Variants in CFTR observed in about 807,000 individuals in gnomAD.
The protein encoded by CFTR is cystic fibrosis transmembrane conductance regulator.
CFTR carries 181 observed loss-of-function variants against 171.6 expected under a neutral mutation model. The ratio of observed to expected loss-of-function variants is 1.05; its 90% CI spans 0.93 to 1.19. The LOEUF (loss-of-function observed/expected upper bound fraction) is 1.19. Ranked by LOEUF, CFTR falls within the 50% of genes most tolerant of loss-of-function variation. The pLI is 0.00. For missense variants in CFTR, 1,968 were observed against 1,734.7 expected (o/e 1.13, Z -2.39); for synonymous variants, 583 against 608.0 (o/e 0.96, Z 0.60).
chr7:117,565,053 G>A (rs866486163), intron 11 of CFTR, among the ~76,000 whole-genome samples: 2 of 152,062 alleles, frequency 1.3e-5, no homozygotes, highest in Admixed American at 6.5e-5. Flanking sequence ...ACTTTAAAAC[G>A]AGATTATAGA....
At chr7:117,554,130 G>A (rs553644511) in intron 10 of CFTR, among the ~76,000 whole-genome samples, 1 of 152,132 alleles carries the variant, frequency 6.6e-6, no homozygotes, top group Non-Finnish European at 1.5e-5. Flanking sequence ...AAGTAACAGG[G>A]CCACTTTGGC....
At chr7:117,512,174 TA>T (rs1257262190) in intron 3 of CFTR, among the ~76,000 whole-genome samples, 1 of 151,870 alleles carries the variant, frequency 6.6e-6, no homozygotes, top group African/African-American at 2.4e-5. Flanking sequence ...TGTGAAAGGT[TA>T]AAAAAAAGGA....
At chr7:117,650,765 G>A (rs1449920617) in intron 23 of CFTR, among the ~76,000 whole-genome samples, 1 of 152,146 alleles carries the variant, frequency 6.6e-6, no homozygotes, top group African/African-American at 2.4e-5. Context: ...TGTGGCTAGA[G>A]GGATGGATAA....
rs79688066 is a variant in CFTR at position 117,665,519 on chromosome 7, C to T, written c.4197C>T (p.Leu1399=). ...CATTTGCTGATTGCACAGTAATTCT[C>T]TGTGAACACAGGATAGAAGCAATGC... ...KQAFADCTVI[L]CEHRIEAMLE... Residue 1399 remains leucine, a synonymous_variant, in exon 26 of 27, where the codon CTC becomes CTT. Coordinates refer to ENST00000003084, the MANE Select transcript of CFTR (RefSeq NM_000492.4). 3.7e-6 allele frequency: 6 copies of T among 1,613,352 alleles called. No individual in the cohort carries two copies. In the African/African-American group the frequency reaches 6.7e-5, roughly 18 times the overall value.
At chr7:117,636,050 C>G (rs1328315128) in intron 22 of CFTR, among the ~76,000 whole-genome samples, 1 of 152,026 alleles carries the variant, frequency 6.6e-6, no homozygotes, top group African/African-American at 2.4e-5. Flanking sequence ...CCAGCCAGAC[C>G]TACTGACAAC....
intron 13 of CFTR, 87 bp downstream of exon 13, chr7:117,590,526 T>C: frequency 1.4e-6 from 2 of 1,461,840 alleles, no homozygotes; most frequent in Non-Finnish European, 1.9e-6. Context: ...ATTTTACCTC[T>C]TGAGAAATAT....
chr7:117,535,597 T>A (rs1798941083), intron 6 of CFTR, among the ~76,000 whole-genome samples, 186 bp downstream of exon 6: 1 of 149,744 alleles, frequency 6.7e-6, no homozygotes, highest in African/African-American at 2.5e-5. Context: ...TGGCACGATC[T>A]TGGCTCACTG....
In CFTR at chr7:117,530,997, C is replaced by T. The variant is rs1060503162; in HGVS notation, c.372C>T (p.Gly124=). 6.2e-7 allele frequency: 1 copy of T among 1,613,696 alleles called. No homozygotes were observed. Among genetic ancestry groups the T allele is most frequent in the Non-Finnish European group, 8.5e-7 (1 of 1,179,730 alleles). Residue 124 remains glycine (G), a synonymous_variant, in exon 4 of 27, where the codon GGC becomes GGT. Coordinates refer to ENST00000003084, the MANE Select transcript of CFTR (RefSeq NM_000492.4). ...KEERSIAIYL[G]IGLCLLFIVR... ...AACGCTCTATCGCGATTTATCTAGG[C>T]ATAGGCTTATGCCTTCTCTTTATTG...
chr7:117,542,016 G>T lies in CFTR; in HGVS notation c.1117G>T (p.Asp373Tyr), dbSNP rs556880586. ...TGTTTTTGCTCTCTTTTATAAATAG[G>T]ATTTCTTACAAAAGCAAGAATATAA... Reference protein sequence around the residue: ...DSLGAINKIQDFLQKQEYKTL... With the variant: ...DSLGAINKIQYFLQKQEYKTL... Residue 373 changes from aspartate (D) to tyrosine (Y), a missense_variant and splice_region_variant, in exon 9 of 27, where the codon GAT becomes TAT. Transcript: ENST00000003084. 1 of 1,443,738 alleles carries T rather than the reference G, an allele frequency of 6.9e-7. No individual in the cohort carries two copies. The highest frequency in any genetic ancestry group is 2.3e-5 in the East Asian group (1 of 43,970). The allele number at this position is 1,443,738 out of a possible 1,614,324, so 89.4% of individuals were successfully genotyped here. A position where few individuals can be genotyped will look rare whatever the true frequency, so the allele number is the denominator to read the frequency against.
At chr7:117,591,899 T>C (rs776818502) in intron 13 of CFTR, 35 bp from the exon 14 acceptor site, 12 of 1,343,872 alleles carry the variant, frequency 8.9e-6, no homozygotes, top group Non-Finnish European at 1.1e-5. Context: ...AAAGTATTTA[T>C]AAAATTGATA....
chr7:117,644,462 A>T (rs1257100230), intron 23 of CFTR, among the ~76,000 whole-genome samples: 2 of 152,080 alleles, frequency 1.3e-5, no homozygotes, highest in Non-Finnish European at 2.9e-5. Flanking sequence ...AAAGAAAATT[A>T]TGTTTGTTTG....
intron 23 of CFTR, among the ~76,000 whole-genome samples, chr7:117,651,427 T>A (rs748053435): frequency 2.2e-4 from 34 of 152,334 alleles, no homozygotes; most frequent in Non-Finnish European, 4.4e-4. Context: ...TTAATTCTCT[T>A]TAGTTTTTCA....
intron 15 of CFTR, among the ~76,000 whole-genome samples, chr7:117,599,449 C>A (rs1346197202): frequency 6.6e-6 from 1 of 151,964 alleles, no homozygotes. Context: ...AAACAGTGGT[C>A]CTTTAGGGAA....
intron 11 of CFTR, among the ~76,000 whole-genome samples, chr7:117,579,965 A>G (rs1215747082): frequency 1.3e-5 from 2 of 152,010 alleles, no homozygotes; most frequent in African/African-American, 2.4e-5. Flanking sequence ...GAAAAGAAAT[A>G]TAGGATACTC....
At chr7:117,499,429 C>CTGTGTGTG (rs56985019) in intron 1 of CFTR, among the ~76,000 whole-genome samples, 3,374 of 135,880 alleles carry the variant, frequency 0.025, 90 homozygotes, top group African/African-American at 0.061. Flanking sequence ...ATAGTTTCAT[C>CTGTGTGTG]TGTGTGTGTG....
intron 2 of CFTR, 97 bp from the exon 3 acceptor site, chr7:117,508,937 G>A (rs1798465868): frequency 3.7e-6 from 3 of 816,084 alleles, no homozygotes; most frequent in Non-Finnish European, 6.5e-6. Context: ...TAATCTCCTT[G>A]GATATACTTG....
chr7:117,507,361 G>A (rs777769590), intron 2 of CFTR, among the ~76,000 whole-genome samples: 3 of 152,126 alleles, frequency 2.0e-5, no homozygotes, highest in Non-Finnish European at 2.9e-5. Flanking sequence ...CTGAAGTATG[G>A]TTTCCACCAT....
chr7:117,539,199 C>T (rs1799006438), intron 7 of CFTR, among the ~76,000 whole-genome samples: 1 of 152,108 alleles, frequency 6.6e-6, no homozygotes, highest in Non-Finnish European at 1.5e-5. Flanking sequence ...GAGCTGAAGG[C>T]AGTGTTGTCC....
At chr7:117,664,982 A>G in intron 25 of CFTR, 122 bp downstream of exon 25, 1 of 1,044,424 alleles carries the variant, frequency 9.6e-7, no homozygotes, top group Admixed American at 1.7e-5. Flanking sequence ...CCCCCAAGAT[A>G]TGAAATAATT....
Sources: allele counts gnomAD v4.1 joint callset (sites outside exome capture counted in the v4.1 genomes callset), GRCh38; gene constraint gnomAD v4.1.1; transcripts MANE v1.5; gene names NCBI Gene and HGNC (gene_info 2026-07-23, HGNC 2026-07-21).